PDCD10: variants seen among roughly 807,000 people sequenced by gnomAD.
PDCD10 encodes the protein programmed cell death protein 10.
A neutral mutation model predicts 29.2 loss-of-function variants in PDCD10; 4 were observed. The ratio of observed to expected loss-of-function variants is 0.14; its 90% CI spans 0.07 to 0.31. PDCD10 has a LOEUF of 0.31. Among genes scored for constraint, PDCD10 ranks in the 10% least tolerant of loss-of-function variants. PDCD10 has a pLI of 1.00. For synonymous variants in PDCD10, 70 were observed against 82.2 expected (o/e 0.85, Z 0.80); for missense variants, 183 against 257.9 (o/e 0.71, Z 1.99).
At chr3:167,695,076 GCTCTAGGATGA>G (rs1415532454) in intron 6 of PDCD10, among the ~76,000 whole-genome samples, 2 of 152,126 alleles carry the variant, frequency 1.3e-5, no homozygotes, top group East Asian at 3.9e-4. Context: ...GAGAACTACT[GCTCTAGGATGA>G]CCCTTCTTGC....
At chr3:167,693,452 G>A (rs1028324759) in intron 6 of PDCD10, among the ~76,000 whole-genome samples, 24 of 152,064 alleles carry the variant, frequency 1.6e-4, no homozygotes, top group Non-Finnish European at 1.0e-4. Flanking sequence ...TGTCACATAC[G>A]TCCCACCAAT....
At chr3:167,700,936 T>C (rs1185089024) in intron 4 of PDCD10, among the ~76,000 whole-genome samples, 1 of 152,114 alleles carries the variant, frequency 6.6e-6, no homozygotes, top group African/African-American at 2.4e-5. Context: ...ACAAAGAATA[T>C]TTATTAGTAA....
At chr3:167,731,848 T>C (rs563809303) in intron 2 of PDCD10, among the ~76,000 whole-genome samples, 8 of 152,292 alleles carry the variant, frequency 5.3e-5, no homozygotes, top group East Asian at 1.9e-4. Context: ...AAGGCTCCCC[T>C]GACGAACGAT....
chr3:167,710,613 G>T (rs1344668273), intron 3 of PDCD10, among the ~76,000 whole-genome samples: 2 of 152,190 alleles, frequency 1.3e-5, no homozygotes, highest in Non-Finnish European at 2.9e-5. Context: ...AGACCATCTG[G>T]GGCCTGGGGA....
chr3:167,730,276 T>C (rs1724666514), intron 2 of PDCD10, among the ~76,000 whole-genome samples: 1 of 152,110 alleles, frequency 6.6e-6, no homozygotes, highest in Non-Finnish European at 1.5e-5. Flanking sequence ...ATATTTCAAA[T>C]GCAATAACAT....
chr3:167,707,731 ACTT>A (rs1722124112), intron 3 of PDCD10, among the ~76,000 whole-genome samples: 1 of 151,988 alleles, frequency 6.6e-6, no homozygotes, highest in African/African-American at 2.4e-5. Context: ...AACACAATAA[ACTT>A]CTTAGTAGTA....
intron 3 of PDCD10, among the ~76,000 whole-genome samples, chr3:167,708,868 T>A (rs1722256612): frequency 6.6e-6 from 1 of 152,216 alleles, no homozygotes; most frequent in East Asian, 1.9e-4. Flanking sequence ...TAACACTTAC[T>A]ATACAACTAG....
chr3:167,690,582 A>G (rs967375059), intron 6 of PDCD10, among the ~76,000 whole-genome samples: 1 of 152,220 alleles, frequency 6.6e-6, no homozygotes, highest in Non-Finnish European at 1.5e-5. Context: ...AAAAAATACA[A>G]ATTAATTTTA....
At chr3:167,731,284 A>G (rs1350329764) in intron 2 of PDCD10, among the ~76,000 whole-genome samples, 1 of 152,232 alleles carries the variant, frequency 6.6e-6, no homozygotes, top group Non-Finnish European at 1.5e-5. Context: ...TATCGCTTGC[A>G]AAAAGCAGGA....
At chr3:167,689,267 C>G (rs1270973305) in intron 6 of PDCD10, among the ~76,000 whole-genome samples, 2 of 152,052 alleles carry the variant, frequency 1.3e-5, no homozygotes, top group Admixed American at 6.5e-5. Context: ...AAAATGCTGT[C>G]ATAGGACTAT....
chr3:167,688,104 G>A (rs888028410), intron 6 of PDCD10, among the ~76,000 whole-genome samples: 25 of 152,060 alleles, frequency 1.6e-4, no homozygotes, highest in Non-Finnish European at 2.8e-4. Flanking sequence ...TTTGTTATTT[G>A]AACAAGGAAC....
intron 3 of PDCD10, among the ~76,000 whole-genome samples, chr3:167,714,398 C>T (rs1722808376): frequency 6.6e-6 from 1 of 151,830 alleles, no homozygotes; most frequent in Admixed American, 6.6e-5. Context: ...GACAAGGATG[C>T]CCACTGTCAC....
chr3:167,711,842 G>A (rs950907733), intron 3 of PDCD10, among the ~76,000 whole-genome samples: 3 of 152,074 alleles, frequency 2.0e-5, no homozygotes, highest in African/African-American at 7.2e-5. Flanking sequence ...AAACCTTACA[G>A]GCCATGAGAG....
intron 5 of PDCD10, 130 bp downstream of exon 5, chr3:167,696,879 T>C (rs1720864087): frequency 9.6e-6 from 7 of 725,982 alleles, no homozygotes; most frequent in Non-Finnish European, 1.5e-5. Context: ...ACCACCACCA[T>C]CATCATCATA....
rs143814799 is a variant in PDCD10, at chr3:167,720,140, T to C, written c.18A>G (p.Glu6=). The part of the protein sequence containing the change: MRMTM[E]EMKNEAETTS... Reference sequence around the variant, plus strand: ...TGGTCTCAGCTTCATTCTTCATCTCTTCCATTGTCATCCTCATTCAAAAGC... The same window carrying C: ...TGGTCTCAGCTTCATTCTTCATCTCCTCCATTGTCATCCTCATTCAAAAGC... The change falls in exon 3 of 9, where the codon GAA becomes GAG. Residue 6 remains glutamate (E), a synonymous_variant. Coordinates refer to ENST00000392750, the MANE Select transcript of PDCD10 (RefSeq NM_007217.4). 71 of 1,610,968 alleles carry C rather than the reference T, an allele frequency of 4.4e-5. No individual in the cohort carries two copies. The highest frequency in any genetic ancestry group is 1.7e-4 in the Middle Eastern group (1 of 6,048).
At chr3:167,722,379 C>A (rs1229024906) in intron 2 of PDCD10, among the ~76,000 whole-genome samples, 2 of 152,126 alleles carry the variant, frequency 1.3e-5, no homozygotes, top group African/African-American at 2.4e-5. Context: ...AGAAAACATA[C>A]AACTGTGGTG....
intron 3 of PDCD10, among the ~76,000 whole-genome samples, chr3:167,718,592 C>A (rs1723253096): frequency 6.6e-6 from 1 of 151,872 alleles, no homozygotes; most frequent in Non-Finnish European, 1.5e-5. Context: ...GAATTAAGTT[C>A]TTGACAAAAA....
chr3:167,690,234 G>T (rs1354783679), intron 6 of PDCD10, among the ~76,000 whole-genome samples: 1 of 152,190 alleles, frequency 6.6e-6, no homozygotes, highest in Non-Finnish European at 1.5e-5. Context: ...CAGATGAAAC[G>T]TAAACATACA....
chr3:167,697,476 G>T (rs986747906), intron 4 of PDCD10, among the ~76,000 whole-genome samples: 2 of 151,938 alleles, frequency 1.3e-5, no homozygotes, highest in Admixed American at 6.6e-5. Context: ...TAAATATCTT[G>T]AGAATTTAAG....
Sources: gnomAD v4.1 joint callset for allele counts (sites outside exome capture counted in the v4.1 genomes callset) on GRCh38, gnomAD v4.1.1 for gene constraint, MANE v1.5 for transcripts, NCBI Gene and HGNC (gene_info 2026-07-23, HGNC 2026-07-21) for gene names.